The following RIF1 variants were observed in gnomAD, a reference collection of about 807,000 sequenced individuals.
RIF1 encodes telomere-associated protein RIF1.
In RIF1, 45 loss-of-function variants were observed where a neutral mutation model predicts 247.1. The observed-to-expected ratio is 0.18, with a 90% confidence interval of 0.14 to 0.23. RIF1 has a LOEUF of 0.23. RIF1 is among the 10% of genes least tolerant of loss of function. The probability of loss-of-function intolerance (pLI) is 1.00; values close to 1 mark genes in which losing one functional copy is unlikely to be tolerated. For synonymous variants in RIF1, 1,087 were observed against 978.8 expected, an observed-to-expected ratio of 1.11 and a Z score of -2.06; for missense variants, 2,967 against 2,862.5, an observed-to-expected ratio of 1.04 and a Z score of -0.83.
chr2:151,445,456 G>A lies in RIF1; in HGVS notation c.2094+11G>A. 1 of 1,256,530 alleles carries A rather than the reference G, an allele frequency of 8.0e-7. No homozygotes were observed. Among genetic ancestry groups the A allele is most frequent in the Non-Finnish European group, 1.2e-6 (1 of 853,840 alleles). The allele number at this position is 1,256,530 out of a possible 1,614,324, so 77.8% of individuals were successfully genotyped here. ...CAGAGATTTCCAGTGGTAAGGCATT[G>A]TCAAGTATTGATTTCCGAGGGATTT... On this transcript the variant is annotated intron_variant, in intron 19 of 35. Transcript: ENST00000444746.
At position 151,451,589 on chromosome 2, in the gene RIF1, G is replaced by GAAA. The variant is rs751215325; in HGVS notation, c.2245-17_2245-16insAAA. 21 of 1,145,734 alleles carry GAAA rather than the reference G, an allele frequency of 1.8e-5. No homozygotes were observed. The highest frequency in any genetic ancestry group is 2.6e-6 in the Non-Finnish European group (2 of 754,874). The allele number at this position is 1,145,734 out of a possible 1,614,324, so 71.0% of individuals were successfully genotyped here. A position where few individuals can be genotyped will look rare whatever the true frequency, so the allele number is the denominator to read the frequency against. ...CCAGTACTTGAATGTTTCTAACAGTGGTACTTTCTTCCCTAGAATTTGTTG... is the reference window on the plus strand; with the variant it reads ...CCAGTACTTGAATGTTTCTAACAGTGAAAGTACTTTCTTCCCTAGAATTTGTTG... On this transcript the variant is annotated splice_polypyrimidine_tract_variant and intron_variant, in intron 20 of 35. Coordinates refer to ENST00000444746, the MANE Select transcript of RIF1 (RefSeq NM_018151.5).
In RIF1 at chr2:151,434,955, A is replaced by G. The variant is rs115791077; in HGVS notation, c.1078-508A>G. 3.5e-3 allele frequency among the ~76,000 whole-genome samples: 536 copies of G among 152,210 alleles called. 3 individuals carry two copies. Among genetic ancestry groups the G allele is most frequent in the African/African-American group, 0.012 (512 of 41,550 alleles). On this transcript the variant is annotated intron_variant, in intron 10 of 35. Transcript: ENST00000444746. ...TTAAGCCATTTTTATTCAGTTTTTA[A>G]TTTTTTAATTATTGAGTTTTAAATT... is the stretch of plus-strand genomic sequence containing the variant.
At chr2:151,425,047 C>G (rs10173699) in intron 8 of RIF1, among the ~76,000 whole-genome samples, 40,010 of 151,534 alleles carry the variant, frequency 0.26, 6,225 homozygotes, top group Non-Finnish European at 0.36. Flanking sequence ...GGTTCCGCTT[C>G]CATAATATCC....
At chr2:151,448,292 C>T (rs1218436645) in intron 20 of RIF1, among the ~76,000 whole-genome samples, 1 of 152,160 alleles carries the variant, frequency 6.6e-6, no homozygotes, top group Admixed American at 6.5e-5. Flanking sequence ...GATTAGCCCA[C>T]CTCAGCCTTC....
downstream of RIF1, among the ~76,000 whole-genome samples, chr2:151,508,262 G>GAAGA (rs2070938021): frequency 2.6e-5 from 4 of 152,322 alleles, no homozygotes; most frequent in South Asian, 8.3e-4. Flanking sequence ...GCATCGCAAG[G>GAAGA]AAGAACCCTC....
At chr2:151,494,627 CTGTT>C (rs758679628) in intron 9 of RIF1, among the ~76,000 whole-genome samples, 14 of 151,938 alleles carry the variant, frequency 9.2e-5, no homozygotes, top group Non-Finnish European at 1.3e-4. Flanking sequence ...AATACATCAG[CTGTT>C]TGTTTTTTTT....
chr2:151,464,915 G>A lies in RIF1; in HGVS notation c.5395G>A (p.Gly1799Ser). The change falls in exon 30 of 36, where the codon GGT becomes AGT. Residue 1799 changes from glycine (G) to serine (S), a missense_variant. Physicochemically the swap from Gly to Ser is moderately conservative, Grantham distance 56 (BLOSUM62 0). Transcript: ENST00000444746. ...DEHHSVNFHL[G>S]LKEDNDTIND... ...ACATCATAGTGTGAATTTTCATTTG[G>A]GTCTCAAAGAGGATAATGATACTAT... 1 of 1,577,156 alleles carries A rather than the reference G, an allele frequency of 6.3e-7. No individual in the cohort carries two copies. Among genetic ancestry groups the A allele is most frequent in the Non-Finnish European group, 8.6e-7 (1 of 1,167,984 alleles).
downstream of RIF1, chr2:151,483,437 G>A (rs1426594536): frequency 6.6e-6 from 1 of 152,142 alleles, no homozygotes; most frequent in Non-Finnish European, 1.5e-5. Context: ...GAAGTTACAA[G>A]GTAATGAGAG....
the RIF1 span, chr2:151,530,945 TAGA>T: frequency 7.9e-7 from 1 of 1,261,940 alleles, no homozygotes; most frequent in South Asian, 1.3e-5. Flanking sequence ...TACATCTCAT[TAGA>T]AGGAGGCCAA....
chr2:151,425,797 G>C (rs1451582736), intron 8 of RIF1, among the ~76,000 whole-genome samples: 2 of 150,432 alleles, frequency 1.3e-5, no homozygotes, highest in Admixed American at 6.7e-5. Flanking sequence ...CTCCCAAGTA[G>C]CTGGGATTAC....
intron 3 of RIF1, among the ~76,000 whole-genome samples, chr2:151,412,419 C>G (rs1315409833): frequency 6.6e-6 from 1 of 152,010 alleles, no homozygotes; most frequent in Admixed American, 6.6e-5. Context: ...CTCCTGGGTC[C>G]AAGCGATCCT....
At chr2:151,454,724 C>T (rs892027160) in intron 21 of RIF1, among the ~76,000 whole-genome samples, 171 bp from the exon 22 acceptor site, 2 of 152,106 alleles carry the variant, frequency 1.3e-5, no homozygotes. Context: ...TCTAGTGATA[C>T]TTATCCATTA....
At chr2:151,430,880 C>T (rs1043352386) in intron 9 of RIF1, among the ~76,000 whole-genome samples, 2 of 152,102 alleles carry the variant, frequency 1.3e-5, no homozygotes, top group Non-Finnish European at 2.9e-5. Flanking sequence ...TCTCGAGCTC[C>T]TGGACTCAAG....
Position 151,463,678 on chromosome 2 carries a change from G to C in RIF1, c.4158G>C (p.Glu1386Asp), listed in dbSNP as rs756324944. ...KNVEINLESKENTPPVVISAD... is the reference protein window; with the variant it reads ...KNVEINLESKDNTPPVVISAD... ...TAGAAATTAATTTGGAATCCAAAGAGAATACACCCCCAGTAGTAATATCAG... is the reference window on the plus strand; with the variant it reads ...TAGAAATTAATTTGGAATCCAAAGACAATACACCCCCAGTAGTAATATCAG... Residue 1386 changes from glutamate to aspartate, a missense_variant, in exon 30 of 36, where the codon GAG (glutamate) becomes GAC (aspartate). This residue lies in a region of RIF1 where 2,028 missense variants were observed against 1,825.6 expected (regional missense o/e 1.11). Transcript: ENST00000444746. 14 of 1,613,932 alleles carry C rather than the reference G, an allele frequency of 8.7e-6. No individual in the cohort carries two copies. The highest frequency in any genetic ancestry group is 1.2e-5 in the Non-Finnish European group (14 of 1,179,920).
rs1013482682 is a variant in RIF1 at position 151,478,459 on chromosome 2, GC to G, written c.*3389del. 3 of 148,352 alleles carry G rather than the reference GC, an allele frequency of 2.0e-5. No individual in the cohort carries two copies. The highest frequency in any genetic ancestry group is 6.7e-5 in the Admixed American group (1 of 14,862). 9.2% of individuals were successfully genotyped at this position (148,352 alleles called of 1,614,324 possible). ...CGAGATCATGCCATTGCGCGACAGA[GC>G]AAGTCTCTGTCTCGCAAAAAAAAAA... is the stretch of plus-strand genomic sequence containing the variant. On this transcript the variant is annotated 3_prime_UTR_variant, in exon 36 of 36. Coordinates refer to ENST00000444746, the MANE Select transcript of RIF1 (RefSeq NM_018151.5).
intron 4 of RIF1, among the ~76,000 whole-genome samples, chr2:151,415,140 G>T (rs916450919): frequency 6.6e-6 from 1 of 151,934 alleles, no homozygotes; most frequent in African/African-American, 2.4e-5. Flanking sequence ...GAGGTCAGGA[G>T]ATCGAGACCA....
intron 2 of RIF1, 124 bp downstream of exon 2, chr2:151,410,651 G>T: frequency 1.3e-6 from 1 of 788,842 alleles, no homozygotes. Context: ...GAGGACGCCC[G>T]AGTCGCGGAC....
In RIF1 at chr2:151,464,276, G is replaced by A. The variant is rs759292954; in HGVS notation, c.4756G>A (p.Glu1586Lys). The change falls in exon 30 of 36, where the codon GAA becomes AAA. Residue 1586 changes from glutamate (E) to lysine (K), a missense_variant. Coordinates refer to ENST00000444746, the MANE Select transcript of RIF1 (RefSeq NM_018151.5). ...TGAAAGTGTTGACATTCAAGATCAAGAAGAGAAAGTGGTGAAACAGGAATG... is the reference window on the plus strand; with the variant it reads ...TGAAAGTGTTGACATTCAAGATCAAAAAGAGAAAGTGGTGAAACAGGAATG... ...SNESVDIQDQEEKVVKQECIK... is the reference protein window; with the variant it reads ...SNESVDIQDQKEKVVKQECIK... 1.2e-6 allele frequency: 2 copies of A among 1,613,870 alleles called. No homozygotes were observed. The highest frequency in any genetic ancestry group is 3.3e-5 in the Admixed American group (2 of 60,000).
the RIF1 span, chr2:151,514,393 A>G: frequency 1.2e-6 from 2 of 1,613,616 alleles, no homozygotes; most frequent in African/African-American, 1.3e-5. Context: ...GGCCCTTCCC[A>G]CGGATGCTTT....
Sources: gnomAD v4.1 joint callset for allele counts (sites outside exome capture counted in the v4.1 genomes callset) on GRCh38, gnomAD v4.1.1 for gene constraint, gnomAD v4.1.1 regional missense constraint, MANE v1.5 for transcripts, NCBI Gene and HGNC (gene_info 2026-07-23, HGNC 2026-07-21) for gene names.